The following MVB12B variants were observed in gnomAD, a reference collection of about 807,000 sequenced individuals.
MVB12B encodes ESCRT-I complex subunit MVB12B.
In MVB12B, 16 loss-of-function variants were observed where a neutral mutation model predicts 41.6. The ratio of observed to expected loss-of-function variants is 0.38; its 90% CI spans 0.26 to 0.58. The LOEUF (loss-of-function observed/expected upper bound fraction) is 0.58. Among genes scored for constraint, MVB12B ranks in the 20% least tolerant of loss-of-function variants. The probability of loss-of-function intolerance (pLI) is 0.62; values close to 1 mark genes in which losing one functional copy is unlikely to be tolerated. For synonymous variants in MVB12B, 133 were observed against 139.7 expected (o/e 0.95, Z 0.34); for missense variants, 274 against 380.2 (o/e 0.72, Z 2.32).
At chr9:126,338,183 T>C (rs2429921) in intron 1 of MVB12B, among the ~76,000 whole-genome samples, 5 of 152,132 alleles carry the variant, frequency 3.3e-5, no homozygotes, top group Non-Finnish European at 7.4e-5. Context: ...GCACAGCAGC[T>C]GGGGGGAAGG....
At chr9:126,407,913 A>G (rs148337665) in intron 6 of MVB12B, 1 of 152,352 alleles carries the variant, frequency 6.6e-6, no homozygotes, top group East Asian at 1.9e-4. Context: ...TGAATTGTAA[A>G]TGAAGCTGAA....
intron 2 of MVB12B, among the ~76,000 whole-genome samples, chr9:126,362,900 T>G (rs1351250797): frequency 6.6e-6 from 1 of 152,170 alleles, no homozygotes; most frequent in Non-Finnish European, 1.5e-5. Context: ...GGAAAATTAA[T>G]TTTTGGCCAG....
intron 2 of MVB12B, among the ~76,000 whole-genome samples, chr9:126,372,421 C>G (rs1830365531): frequency 6.6e-6 from 1 of 152,218 alleles, no homozygotes; most frequent in African/African-American, 2.4e-5. Flanking sequence ...TATGCTAACT[C>G]TATGTCTAAC....
chr9:126,462,265 T>TA (rs1833105957), intron 7 of MVB12B, among the ~76,000 whole-genome samples: 5 of 152,204 alleles, frequency 3.3e-5, no homozygotes, highest in Admixed American at 2.6e-4. Context: ...TACGAAGAGT[T>TA]AAAATGCAGG....
intron 1 of MVB12B, among the ~76,000 whole-genome samples, chr9:126,338,068 T>A (rs1222135204): frequency 3.3e-5 from 5 of 152,200 alleles, no homozygotes; most frequent in Non-Finnish European, 7.4e-5. Flanking sequence ...CGTTTCTCAT[T>A]AAAAGCTGCC....
chr9:126,356,719 TG>T (rs1829890812), intron 2 of MVB12B, among the ~76,000 whole-genome samples: 1 of 152,070 alleles, frequency 6.6e-6, no homozygotes, highest in Admixed American at 6.6e-5. Context: ...GGATTTCTCA[TG>T]GTTTAGCATT....
chr9:126,399,715 G>A (rs561509140), intron 6 of MVB12B, among the ~76,000 whole-genome samples: 6 of 152,266 alleles, frequency 3.9e-5, no homozygotes, highest in South Asian at 2.1e-4. Context: ...GCTCTGTGTC[G>A]ACCCAGGAGG....
intron 6 of MVB12B, among the ~76,000 whole-genome samples, chr9:126,401,727 A>C (rs2119025789): frequency 6.6e-6 from 1 of 152,360 alleles, no homozygotes; most frequent in African/African-American, 2.4e-5. Flanking sequence ...TCAGAAGCCC[A>C]TGAGCGTGCC....
chr9:126,485,856 C>T (rs187361046), intron 9 of MVB12B, among the ~76,000 whole-genome samples: 48 of 152,262 alleles, frequency 3.2e-4, no homozygotes, highest in African/African-American at 1.1e-3. Flanking sequence ...TAAGACAGCA[C>T]GGGGTGTGTG....
At position 126,333,802 on chromosome 9, in the gene MVB12B, A is replaced by ATTCTGAGGCTTTTCTC. The variant is rs1829198298; in HGVS notation, c.82-6705_82-6690dup. ...GAAGGAGGGGGAGACTGGAGGGCTG[A>ATTCTGAGGCTTTTCTC]TTCTGAGGCTTTTCTCCATGGAAGA... On this transcript the variant is annotated intron_variant, in intron 1 of 9. Transcript: ENST00000361171. The surrounding 1 kb of genome is among the most constrained non-coding windows in gnomAD (Gnocchi z 4.7). Among the ~76,000 whole-genome samples the ATTCTGAGGCTTTTCTC allele has an allele frequency of 6.6e-6, 1 of 152,084 alleles. No homozygotes were observed. The highest frequency in any genetic ancestry group is 1.5e-5 in the Non-Finnish European group (1 of 68,018).
intron 7 of MVB12B, among the ~76,000 whole-genome samples, chr9:126,471,136 G>A (rs1028978533): frequency 3.9e-5 from 6 of 152,168 alleles, no homozygotes; most frequent in African/African-American, 1.4e-4. Flanking sequence ...CTCATTTCCT[G>A]CAGAAACAGC....
chr9:126,351,551 C>T (rs1311040270), intron 2 of MVB12B, among the ~76,000 whole-genome samples: 10 of 128,590 alleles, frequency 7.8e-5, no homozygotes, highest in East Asian at 2.2e-4. Context: ...TGCAGTGGTG[C>T]GATCTCAGCT....
intron 6 of MVB12B, among the ~76,000 whole-genome samples, chr9:126,407,211 T>A (rs866665799): frequency 1.3e-5 from 2 of 152,206 alleles, no homozygotes; most frequent in Middle Eastern, 3.2e-3. Flanking sequence ...GCACACCTAA[T>A]GTTTTATGCC....
intron 6 of MVB12B, among the ~76,000 whole-genome samples, chr9:126,419,392 T>C (rs1322533588): frequency 6.6e-6 from 1 of 152,212 alleles, no homozygotes; most frequent in East Asian, 1.9e-4. Context: ...TGCTCTGCTG[T>C]TGCCATCTTG....
intron 1 of MVB12B, among the ~76,000 whole-genome samples, chr9:126,337,964 G>T (rs1381703767): frequency 6.6e-6 from 1 of 152,130 alleles, no homozygotes; most frequent in Non-Finnish European, 1.5e-5. Context: ...TTGAAGTGCC[G>T]GTAGAGACGC....
At chr9:126,481,744 G>A (rs1341113081) in intron 8 of MVB12B, among the ~76,000 whole-genome samples, 3 of 152,228 alleles carry the variant, frequency 2.0e-5, no homozygotes, top group Non-Finnish European at 4.4e-5. Context: ...ACAAGCTCAG[G>A]TGCACTGAGC....
At chr9:126,373,883 A>T (rs989181437) in intron 2 of MVB12B, among the ~76,000 whole-genome samples, 5 of 152,224 alleles carry the variant, frequency 3.3e-5, no homozygotes, top group African/African-American at 1.2e-4. Flanking sequence ...CATTAAAAAT[A>T]CTCATAATCT....
At chr9:126,434,358 G>A (rs1342056887) in intron 7 of MVB12B, among the ~76,000 whole-genome samples, 1 of 152,194 alleles carries the variant, frequency 6.6e-6, no homozygotes, top group Non-Finnish European at 1.5e-5. Flanking sequence ...TTGTCTGTAA[G>A]ACAATGAATG....
chr9:126,336,130 C>T (rs369409939), intron 1 of MVB12B, among the ~76,000 whole-genome samples: 14 of 152,378 alleles, frequency 9.2e-5, no homozygotes, highest in African/African-American at 3.4e-4. Context: ...ACTTTAAACT[C>T]CTCGGCCCAC....
Sources: gnomAD v4.1 joint callset for allele counts (sites outside exome capture counted in the v4.1 genomes callset) on GRCh38, gnomAD v4.1.1 for gene constraint, Gnocchi (gnomAD v3.1) non-coding constraint, MANE v1.5 for transcripts, NCBI Gene and HGNC (gene_info 2026-07-23, HGNC 2026-07-21) for gene names.